PTGES3: variants seen among roughly 807,000 people sequenced by gnomAD.
PTGES3 encodes the protein prostaglandin E synthase 3.
Under a neutral mutation model 29.9 loss-of-function variants are expected in PTGES3, and 5 were observed. The ratio of observed to expected loss-of-function variants is 0.17; its 90% confidence interval spans 0.09 to 0.35. The LOEUF is 0.35. Ranked by LOEUF, PTGES3 falls within the 10% of genes least tolerant of loss-of-function variation. The probability of loss-of-function intolerance (pLI) is 1.00; values close to 1 mark genes in which losing one functional copy is unlikely to be tolerated. For missense variants in PTGES3, 128 were observed against 190.0 expected (o/e 0.67, Z 1.92); for synonymous variants, 49 against 57.8 (o/e 0.85, Z 0.69).
intron 1 of PTGES3, 63 bp downstream of exon 1, chr12:56,687,935 G>T: frequency 6.2e-7 from 1 of 1,603,868 alleles, no homozygotes. Context: ...CCGCTTCCAG[G>T]GAGCCCCCAA....
At chr12:56,665,834 T>G in intron 6 of PTGES3, 2 of 776,958 alleles carry the variant, frequency 2.6e-6, no homozygotes, top group South Asian at 1.1e-4. Context: ...TTCACCATGT[T>G]GGCCAGGCTG....
At chr12:56,666,971 G>A (rs1018654209) in intron 5 of PTGES3, among the ~76,000 whole-genome samples, 1 of 151,510 alleles carries the variant, frequency 6.6e-6, no homozygotes, top group Admixed American at 6.6e-5. Flanking sequence ...CCAGGTTGGA[G>A]TGCAGCAGCA....
chr12:56,678,335 G>A (rs1464840862), intron 1 of PTGES3, among the ~76,000 whole-genome samples: 4 of 151,976 alleles, frequency 2.6e-5, no homozygotes, highest in Admixed American at 2.6e-4. Flanking sequence ...CCGCCACCAA[G>A]CCTGGCTAAT....
intron 1 of PTGES3, among the ~76,000 whole-genome samples, chr12:56,683,655 A>T (rs1177584657): frequency 6.7e-6 from 1 of 148,298 alleles, no homozygotes; most frequent in African/African-American, 2.5e-5. Flanking sequence ...ATCTCAAAAA[A>T]ACAAACAAAA....
At chr12:56,684,960 A>T (rs1952754020) in intron 1 of PTGES3, among the ~76,000 whole-genome samples, 1 of 152,044 alleles carries the variant, frequency 6.6e-6, no homozygotes, top group Non-Finnish European at 1.5e-5. Context: ...CCCAGAGCTT[A>T]AAAAAAATTT....
Position 56,682,255 on chromosome 12 carries a change from G to A in PTGES3, c.2+5743C>T, listed in dbSNP as rs114400048. 6.5e-3 allele frequency among the ~76,000 whole-genome samples: 996 copies of A among 152,260 alleles called. 17 individuals are homozygous for A. The highest frequency in any genetic ancestry group is 0.023 in the African/African-American group (955 of 41,568). ...AGCTTCAGAATACAAAATGGGAAAA[G>A]AGCATATGCTGAAGGTGAAGTTAAA... On this transcript the variant is annotated intron_variant, in intron 1 of 7. Coordinates refer to ENST00000262033, the MANE Select transcript of PTGES3 (RefSeq NM_006601.7).
chr12:56,687,160 A>C, intron 1 of PTGES3: 1 of 1,017,984 alleles, frequency 9.8e-7, no homozygotes, highest in Non-Finnish European at 1.2e-6. Flanking sequence ...CTCCACACAA[A>C]TTTAAGATCT....
At chr12:56,665,589 G>T (rs1951755248) in intron 6 of PTGES3, 6 of 985,390 alleles carry the variant, frequency 6.1e-6, no homozygotes, top group Non-Finnish European at 7.2e-6. Flanking sequence ...GACCAATCCT[G>T]ACATAAAACC....
At chr12:56,666,884 C>A (rs545982296) in intron 5 of PTGES3, among the ~76,000 whole-genome samples, 1 of 152,278 alleles carries the variant, frequency 6.6e-6, no homozygotes, top group African/African-American at 2.4e-5. Flanking sequence ...ACCTTGGCCT[C>A]CCAAAGTGCT....
chr12:56,671,606 G>C (rs931471970), intron 4 of PTGES3, 143 bp downstream of exon 4: 1 of 453,672 alleles, frequency 2.2e-6, no homozygotes, highest in Non-Finnish European at 4.0e-6. Flanking sequence ...TATTAAAACT[G>C]AGTAGACAAA....
At chr12:56,683,803 C>T (rs1214295657) in intron 1 of PTGES3, among the ~76,000 whole-genome samples, 1 of 150,818 alleles carries the variant, frequency 6.6e-6, no homozygotes, top group Admixed American at 6.6e-5. Flanking sequence ...ACTAAAAATA[C>T]AAAAAATTAG....
chr12:56,680,386 CTTT>C (rs1171435554), intron 1 of PTGES3, among the ~76,000 whole-genome samples: 3 of 143,474 alleles, frequency 2.1e-5, no homozygotes, highest in Admixed American at 6.9e-5. Context: ...AATTTTCTTT[CTTT>C]TTTTTTTTTT....
chr12:56,672,619 A>T, intron 3 of PTGES3, 121 bp downstream of exon 3: 2 of 1,155,948 alleles, frequency 1.7e-6, no homozygotes, highest in Non-Finnish European at 2.3e-6. Context: ...ACAAAATGTA[A>T]ATATACATAG....
chr12:56,665,896 C>T, intron 6 of PTGES3: 6 of 975,332 alleles, frequency 6.2e-6, no homozygotes, highest in Non-Finnish European at 6.2e-6. Context: ...GCTGGGATAA[C>T]AGACATGAGC....
In PTGES3 at chr12:56,671,778, A is replaced by G; in HGVS notation, c.256T>C (p.Trp86Arg). The G allele has an allele frequency of 6.4e-7, 1 of 1,570,734 alleles. No homozygotes were observed. The highest frequency in any genetic ancestry group is 8.6e-7 in the Non-Finnish European group (1 of 1,157,854). Residue 86 changes from tryptophan (W) to arginine (R), a missense_variant, in exon 4 of 8, where the codon TGG becomes CGG. Trp to Arg is a moderately radical substitution (Grantham distance 101, BLOSUM62 -3). Transcript: ENST00000262033. ...GCCCTTTCTTTTGTTAACCTTGGCCATGACTGGCCAGATTCTCCTTTTCGT... is the reference window on the plus strand; with the variant it reads ...GCCCTTTCTTTTGTTAACCTTGGCCGTGACTGGCCAGATTCTCCTTTTCGT... ...CLRKGESGQSWPRLTKERAKL... is the reference protein window; with the variant it reads ...CLRKGESGQSRPRLTKERAKL...
At chr12:56,679,715 G>A (rs1952438349) in intron 1 of PTGES3, among the ~76,000 whole-genome samples, 1 of 152,046 alleles carries the variant, frequency 6.6e-6, no homozygotes, top group Non-Finnish European at 1.5e-5. Context: ...ACCCCGGAGT[G>A]ACAGGCTGGA....
intron 1 of PTGES3, among the ~76,000 whole-genome samples, chr12:56,682,705 C>CCGT (rs1227815059): frequency 2.0e-5 from 2 of 102,384 alleles, no homozygotes; most frequent in East Asian, 3.1e-4. Flanking sequence ...CGGTAAGATC[C>CCGT]CGTCTCCATT....
At chr12:56,676,145 G>GGGAGGGGGAGGT (rs1952232478) in intron 1 of PTGES3, among the ~76,000 whole-genome samples, 4 of 138,406 alleles carry the variant, frequency 2.9e-5, no homozygotes, top group East Asian at 2.1e-4. Flanking sequence ...GAGGGGGAGG[G>GGGAGGGGGAGGT]GGAGGTGGAG....
chr12:56,678,943 C>A (rs1222628075), intron 1 of PTGES3, among the ~76,000 whole-genome samples: 1 of 151,510 alleles, frequency 6.6e-6, no homozygotes, highest in Non-Finnish European at 1.5e-5. Context: ...ACTGCGAGAC[C>A]ACATCTCTGC....
Sources: gnomAD v4.1 joint callset for allele counts (sites outside exome capture counted in the v4.1 genomes callset) on GRCh38, gnomAD v4.1.1 for gene constraint, MANE v1.5 for transcripts, NCBI Gene and HGNC (gene_info 2026-07-23, HGNC 2026-07-21) for gene names.